The following AKR1C3 variants were observed in gnomAD, a reference collection of about 807,000 sequenced individuals.
AKR1C3 encodes the protein aldo-keto reductase family 1 member C3.
Under a neutral mutation model 43.6 loss-of-function variants are expected in AKR1C3, and 48 were observed. The observed-to-expected ratio is 1.10, with a 90% confidence interval of 0.87 to 1.40. The LOEUF is 1.40. Among genes scored for constraint, AKR1C3 ranks in the 40% most tolerant of loss-of-function variants. AKR1C3 has a pLI of 0.00. For synonymous variants in AKR1C3, 162 were observed against 139.6 expected, an observed-to-expected ratio of 1.16 and a Z score of -1.13; for missense variants, 482 against 391.2, an observed-to-expected ratio of 1.23 and a Z score of -1.96.
intron 1 of AKR1C3, among the ~76,000 whole-genome samples, chr10:5,059,455 TC>T (rs1173500589): frequency 6.6e-6 from 1 of 152,098 alleles, no homozygotes; most frequent in African/African-American, 2.4e-5. Context: ...CAACTTGTCA[TC>T]AGGAACCCGG....
Position 5,069,271 on chromosome 10 carries a change from C to T in AKR1C3, c.84+20376C>T, listed in dbSNP as rs1289215594. Among the ~76,000 whole-genome samples the T allele has an allele frequency of 3.3e-5, 5 of 152,070 alleles. No individual in the cohort carries two copies. In the East Asian group the frequency reaches 7.7e-4, roughly 23 times the overall value. ...CCTGAGTGGCCCTAGGGACCCTGCT[C>T]AACTGTATGCAGACAAACATATTGC... is the stretch of plus-strand genomic sequence containing the variant. On this transcript the variant is annotated intron_variant, in intron 1 of 8. Transcript: ENST00000439082.
At chr10:5,101,212 A>T (rs1839339986) in intron 5 of AKR1C3, among the ~76,000 whole-genome samples, 1 of 152,198 alleles carries the variant, frequency 6.6e-6, no homozygotes, top group Admixed American at 6.5e-5. Flanking sequence ...TTCAGCAATT[A>T]CTTATAATCC....
chr10:5,104,301 A>C (rs1316421336), intron 7 of AKR1C3, among the ~76,000 whole-genome samples: 2 of 152,206 alleles, frequency 1.3e-5, no homozygotes, highest in Non-Finnish European at 2.9e-5. Flanking sequence ...AAAAACCCAA[A>C]TATGCACATG....
chr10:5,104,538 T>C (rs1224962063), intron 7 of AKR1C3, among the ~76,000 whole-genome samples: 3 of 143,906 alleles, frequency 2.1e-5, no homozygotes, highest in Non-Finnish European at 4.7e-5. Flanking sequence ...CTCTTTATTT[T>C]ATTTGATAAT....
intron 1 of AKR1C3, among the ~76,000 whole-genome samples, chr10:5,069,449 C>T (rs1838575477): frequency 6.6e-6 from 1 of 152,194 alleles, no homozygotes; most frequent in Non-Finnish European, 1.5e-5. Flanking sequence ...AATTTGATAA[C>T]TTCTGAATTA....
At chr10:5,053,974 G>A (rs1199921201) in intron 1 of AKR1C3, among the ~76,000 whole-genome samples, 1 of 152,226 alleles carries the variant, frequency 6.6e-6, no homozygotes, top group African/African-American at 2.4e-5. Flanking sequence ...TAAGATGGCT[G>A]CCACGGGACC....
chr10:5,059,074 C>A lies in AKR1C3; in HGVS notation c.84+10179C>A, dbSNP rs141432647. Among the ~76,000 whole-genome samples, 265 of 152,242 alleles carry A rather than the reference C, an allele frequency of 1.7e-3. 1 individual carries two copies. Among genetic ancestry groups the A allele is most frequent in the African/African-American group, 6.2e-3 (256 of 41,538 alleles). ...GGAAGGATACAATTTCTGAGGCTCC[C>A]CACATCCTAGCTTCAGGAATAGCTT... On this transcript the variant is annotated intron_variant, in intron 1 of 8. Coordinates refer to the AKR1C3 transcript ENST00000439082.
At chr10:5,097,604 G>T in intron 3 of AKR1C3, 54 bp downstream of exon 3, 1 of 1,610,130 alleles carries the variant, frequency 6.2e-7, no homozygotes, top group South Asian at 1.1e-5. Context: ...TATAAACATT[G>T]TTTATCTGGA....
intron 1 of AKR1C3, among the ~76,000 whole-genome samples, chr10:5,083,476 G>A (rs186577925): frequency 0.072 from 10,904 of 152,032 alleles, 441 homozygotes; most frequent in Middle Eastern, 0.095. Flanking sequence ...CCAGTCTATC[G>A]TTGTTGGACA....
intron 8 of AKR1C3, among the ~76,000 whole-genome samples, chr10:5,106,339 G>A (rs1344661939): frequency 6.6e-6 from 1 of 152,200 alleles, no homozygotes; most frequent in Non-Finnish European, 1.5e-5. Flanking sequence ...GAGTGTGAGT[G>A]TGGAGGCAGA....
chr10:5,083,082 T>C (rs1838870635), intron 1 of AKR1C3, among the ~76,000 whole-genome samples: 1 of 43,612 alleles, frequency 2.3e-5, no homozygotes, highest in Admixed American at 2.0e-4. Context: ...CTATTTTTTT[T>C]TATTATTATA....
chr10:5,051,896 G>T (rs1177174222), intron 1 of AKR1C3, among the ~76,000 whole-genome samples: 1 of 152,090 alleles, frequency 6.6e-6, no homozygotes, highest in East Asian at 1.9e-4. Context: ...TACCTACTTT[G>T]GTCTCCATTA....
At chr10:5,085,386 T>A (rs1200575433) in intron 1 of AKR1C3, among the ~76,000 whole-genome samples, 1 of 152,080 alleles carries the variant, frequency 6.6e-6, no homozygotes, top group Non-Finnish European at 1.5e-5. Context: ...ATTTATTGAT[T>A]TGCATATGTT....
At chr10:5,052,473 T>C (rs568401028) in intron 1 of AKR1C3, among the ~76,000 whole-genome samples, 2 of 147,890 alleles carry the variant, frequency 1.4e-5, no homozygotes, top group Admixed American at 6.6e-5. Flanking sequence ...AGAGAGCTGA[T>C]TGGTCTGTTT....
At chr10:5,101,743 A>C (rs2154307) in intron 5 of AKR1C3, among the ~76,000 whole-genome samples, 39,685 of 152,006 alleles carry the variant, frequency 0.26, 5,398 homozygotes, top group Middle Eastern at 0.37. Flanking sequence ...TCAGACTTGC[A>C]CTCACGAGTC....
intron 1 of AKR1C3, among the ~76,000 whole-genome samples, chr10:5,053,489 A>G (rs527629463): frequency 1.6e-3 from 236 of 151,978 alleles, no homozygotes; most frequent in Non-Finnish European, 2.4e-3. Context: ...CTCCCTCCAC[A>G]CCTCCCTGCA....
rs781900791 is a variant in AKR1C3 at position 5,099,345 on chromosome 10, G to T, written c.466G>T (p.Asp156Tyr). Residue 156 changes from aspartate (D) to tyrosine (Y), a missense_variant, in exon 5 of 9, where the codon GAT becomes TAT. By Grantham distance (160) the Asp-to-Tyr change is radical. Coordinates refer to ENST00000380554, the MANE Select transcript of AKR1C3 (RefSeq NM_003739.6). ...TCCACAGGCCATGGAGAAGTGTAAG[G>T]ATGCAGGATTGGCCAAGTCCATTGG... ...TTWEAMEKCK[D>Y]AGLAKSIGVS... 3 of 1,614,142 alleles carry T rather than the reference G, an allele frequency of 1.9e-6. No homozygotes were observed. The highest frequency in any genetic ancestry group is 2.5e-6 in the Non-Finnish European group (3 of 1,180,040).
intron 5 of AKR1C3, among the ~76,000 whole-genome samples, chr10:5,101,476 C>T (rs1162852744): frequency 1.3e-5 from 2 of 152,080 alleles, no homozygotes; most frequent in African/African-American, 4.8e-5. Context: ...AAGTTTAATA[C>T]TTGCCTCTAA....
chr10:5,094,103 T>C (rs536312762), upstream of AKR1C3: 18 of 171,280 alleles, frequency 1.1e-4, 1 homozygote, highest in South Asian at 2.5e-3. Flanking sequence ...TGGAGGTTTT[T>C]ATAGTCTAAC....
Sources: gnomAD v4.1 joint callset for allele counts (sites outside exome capture counted in the v4.1 genomes callset) on GRCh38, gnomAD v4.1.1 for gene constraint, MANE v1.5 for transcripts, NCBI Gene and HGNC (gene_info 2026-07-23, HGNC 2026-07-21) for gene names.